TRIM55: variants seen among roughly 807,000 people sequenced by gnomAD.
The protein encoded by TRIM55 is tripartite motif-containing protein 55.
In TRIM55, 50 loss-of-function variants were observed where a neutral mutation model predicts 60.9. The ratio of observed to expected loss-of-function variants is 0.82; its 90% CI spans 0.65 to 1.04. The LOEUF (loss-of-function observed/expected upper bound fraction) is 1.04. TRIM55 is among the 50% of genes least tolerant of loss of function. The pLI is 0.00. For synonymous variants in TRIM55, 237 were observed against 238.1 expected (o/e 1.00, Z 0.04); for missense variants, 681 against 666.9 (o/e 1.02, Z -0.23).
chr8:66,169,214 A>G (rs1021868622), intron 9 of TRIM55, among the ~76,000 whole-genome samples: 1 of 152,192 alleles, frequency 6.6e-6, no homozygotes, highest in African/African-American at 2.4e-5. Flanking sequence ...GTTTAGTTTC[A>G]TTAGGTAGAA....
chr8:66,149,495 G>T (rs1034992111), intron 4 of TRIM55, 150 bp from the exon 5 acceptor site: 8 of 614,194 alleles, frequency 1.3e-5, no homozygotes, highest in African/African-American at 3.7e-5. Flanking sequence ...CACCAACATA[G>T]TGGGTATCCA....
intron 9 of TRIM55, 68 bp downstream of exon 9, chr8:66,154,402 G>A: frequency 1.3e-6 from 2 of 1,523,026 alleles, no homozygotes; most frequent in Admixed American, 2.0e-5. Flanking sequence ...ACAGGCCACA[G>A]CAAGAAGAAA....
intron 9 of TRIM55, among the ~76,000 whole-genome samples, chr8:66,156,611 CCCA>C (rs1478159792): frequency 2.6e-5 from 4 of 152,120 alleles, no homozygotes; most frequent in Non-Finnish European, 5.9e-5. Flanking sequence ...GGGCCTGAGA[CCCA>C]ACTCCTTGTT....
the TRIM55 span, chr8:66,114,674 G>C: frequency 2.2e-6 from 1 of 456,098 alleles, no homozygotes. Flanking sequence ...TTGCTCAACC[G>C]AGGAAGCAGG....
At chr8:66,151,440 G>C (rs1381076154) in intron 7 of TRIM55, among the ~76,000 whole-genome samples, 1 of 152,146 alleles carries the variant, frequency 6.6e-6, no homozygotes. Context: ...CACTAGTAAT[G>C]CTATGAGGCT....
chr8:66,173,212 A>C (rs558660896), intron 9 of TRIM55, among the ~76,000 whole-genome samples: 1 of 152,294 alleles, frequency 6.6e-6, no homozygotes, highest in African/African-American at 2.4e-5. Flanking sequence ...GTTTTATTCT[A>C]CTGTGGCTAA....
chr8:66,151,849 A>ATAAT (rs1810439138), intron 7 of TRIM55, among the ~76,000 whole-genome samples: 1 of 126,314 alleles, frequency 7.9e-6, no homozygotes, highest in Admixed American at 8.4e-5. Flanking sequence ...GTCTCAAAAA[A>ATAAT]TAATAAATAA....
the TRIM55 span, among the ~76,000 whole-genome samples, chr8:66,119,726 A>G: frequency 6.6e-6 from 1 of 152,194 alleles, no homozygotes; most frequent in Non-Finnish European, 1.5e-5. Flanking sequence ...AGAGTCCTTC[A>G]TATGCATTTG....
At position 66,152,433 on chromosome 8, in the gene TRIM55, G is replaced by A. The variant is rs1450073277; in HGVS notation, c.1042G>A (p.Glu348Lys). The A allele has an allele frequency of 1.2e-6, 2 of 1,612,552 alleles. No individual in the cohort carries two copies. Among genetic ancestry groups the A allele is most frequent in the Admixed American group, 1.7e-5 (1 of 59,976 alleles). Residue 348 changes from glutamate (E) to lysine (K), a missense_variant, in exon 8 of 10, where the codon GAA becomes AAA. Transcript: ENST00000315962. ...GGEGEKEGEG[E>K]VGGEAVEVEE... The stretch of plus-strand genomic sequence containing the variant: ...AGAAGGAGAAAAAGAAGGAGAAGGA[G>A]AAGTGGGAGGAGAAGCAGTAGAAGT...
At chr8:66,139,851 G>A (rs1212305070) in intron 4 of TRIM55, among the ~76,000 whole-genome samples, 2 of 152,048 alleles carry the variant, frequency 1.3e-5, no homozygotes, top group Non-Finnish European at 2.9e-5. Flanking sequence ...TTATTGTTTA[G>A]GATGTATATT....
rs748810275 is a variant in TRIM55 at position 66,173,589 on chromosome 8, G to A, written c.1525-882G>A. Reference sequence around the variant, plus strand: ...GGATAATTTTACCAGTGATGTCATCGGAACATGTTTGCTTATTTATCCATA... The same window carrying A: ...GGATAATTTTACCAGTGATGTCATCAGAACATGTTTGCTTATTTATCCATA... On this transcript the variant is annotated intron_variant, in intron 9 of 9. Coordinates refer to ENST00000315962, the MANE Select transcript of TRIM55 (RefSeq NM_184085.2). 2.6e-5 allele frequency among the ~76,000 whole-genome samples: 4 copies of A among 152,124 alleles called. No individual in the cohort carries two copies. The South Asian group carries it at 6.2e-4, about 24-fold the overall frequency.
At chr8:66,153,957 C>T in intron 8 of TRIM55, 90 bp from the exon 9 acceptor site, 12 of 1,346,666 alleles carry the variant, frequency 8.9e-6, no homozygotes, top group Non-Finnish European at 1.2e-5. Flanking sequence ...GCACAGTGTT[C>T]AAACCCAAAG....
At chr8:66,137,319 C>A in intron 4 of TRIM55, 129 bp downstream of exon 4, 2 of 632,394 alleles carry the variant, frequency 3.2e-6, no homozygotes, top group Non-Finnish European at 2.7e-6. Flanking sequence ...GGCCTCCTTC[C>A]TGATATGTCT....
chr8:66,146,220 G>A (rs977947910), intron 4 of TRIM55, among the ~76,000 whole-genome samples: 3 of 152,098 alleles, frequency 2.0e-5, no homozygotes, highest in Non-Finnish European at 4.4e-5. Context: ...ATATGGGGTA[G>A]CATTTCCTGC....
At chr8:66,117,040 AT>A in the TRIM55 span, among the ~76,000 whole-genome samples, 3 of 152,262 alleles carry the variant, frequency 2.0e-5, no homozygotes, top group Admixed American at 1.3e-4. Context: ...AAGAAAAAAA[AT>A]CATGTGATCA....
chr8:66,151,701 G>A (rs536871150), intron 7 of TRIM55, among the ~76,000 whole-genome samples: 14 of 151,944 alleles, frequency 9.2e-5, no homozygotes, highest in Middle Eastern at 3.4e-3. Flanking sequence ...AAAATTAGCC[G>A]GGCGTGGTGG....
chr8:66,126,744 C>T (rs755635056), upstream of TRIM55, among the ~76,000 whole-genome samples: 19 of 152,146 alleles, frequency 1.2e-4, no homozygotes, highest in Non-Finnish European at 2.5e-4. Context: ...AGGCTACTTT[C>T]CGTGACTCAA....
chr8:66,141,161 G>A (rs1809792335), intron 4 of TRIM55, among the ~76,000 whole-genome samples: 1 of 152,152 alleles, frequency 6.6e-6, no homozygotes, highest in Non-Finnish European at 1.5e-5. Flanking sequence ...TGGACTCCTT[G>A]TTATCCTTTA....
chr8:66,155,799 C>G (rs1207723232), intron 9 of TRIM55: 3 of 937,978 alleles, frequency 3.2e-6, no homozygotes, highest in Non-Finnish European at 4.9e-6. Flanking sequence ...ATTAATTTCT[C>G]CCCAAATCTT....
Sources: allele counts gnomAD v4.1 joint callset (sites outside exome capture counted in the v4.1 genomes callset), GRCh38; gene constraint gnomAD v4.1.1; transcripts MANE v1.5; gene names NCBI Gene and HGNC (gene_info 2026-07-23, HGNC 2026-07-21).